The following KDSR variants were observed in gnomAD, a reference collection of about 807,000 sequenced individuals.
The protein encoded by KDSR is 3-ketodihydrosphingosine reductase, also known as 3-dehydrosphinganine reductase.
Under a neutral mutation model 41.3 loss-of-function variants are expected in KDSR, and 23 were observed. The observed-to-expected ratio is 0.56, with a 90% CI of 0.40 to 0.79. The LOEUF (loss-of-function observed/expected upper bound fraction) is 0.79. KDSR is among the 30% of genes least tolerant of loss of function. The pLI is 0.00. For synonymous variants in KDSR, 138 were observed against 151.7 expected (o/e 0.91, Z 0.66); for missense variants, 351 against 416.8 (o/e 0.84, Z 1.37).
chr18:63,360,345 C>T lies in KDSR; in HGVS notation c.199-553G>A, dbSNP rs115456215. 5.3e-3 allele frequency among the ~76,000 whole-genome samples: 806 copies of T among 152,142 alleles called. 2 individuals are homozygous for T. Among genetic ancestry groups the T allele is most frequent in the African/African-American group, 0.018 (759 of 41,506 alleles). ...TGTAATTATGTAATTCTTCCAAGGT[C>T]CTAATTTTGTTTGTTTTACTTAGTC... On this transcript the variant is annotated intron_variant, in intron 2 of 9. Transcript: ENST00000645214.
Position 63,331,660 on chromosome 18 carries a change from C to T in KDSR, c.*122G>A. On this transcript the variant is annotated 3_prime_UTR_variant, in exon 10 of 10. Coordinates refer to ENST00000645214, the MANE Select transcript of KDSR (RefSeq NM_002035.4). The stretch of plus-strand genomic sequence containing the variant: ...CTTGCAGCCACATTCCTGAAGAGCA[C>T]TGGTCCAATCTGACGTATTCGAAAA... 1 of 879,146 alleles carries T rather than the reference C, an allele frequency of 1.1e-6. No homozygotes were observed. The highest frequency in any genetic ancestry group is 1.7e-6 in the Non-Finnish European group (1 of 572,760). 54.5% of individuals were successfully genotyped at this position (879,146 alleles called of 1,614,324 possible). A position where few individuals can be genotyped will look rare whatever the true frequency, so the allele number is the denominator to read the frequency against.
Position 63,355,492 on chromosome 18 carries a change from TCTTA to T in KDSR, c.321+2_321+5del. ...TTGGTGAATTCCAATTAGCCCAACC[TCTTA>T]CTTGTTTTATGACATTCTCTACTTG... On this transcript the variant is annotated splice_donor_variant and splice_donor_5th_base_variant and intron_variant, in intron 4 of 9. Transcript: ENST00000645214. LOFTEE classifies it high-confidence loss of function. 1 of 1,613,130 alleles carries T rather than the reference TCTTA, an allele frequency of 6.2e-7. No homozygotes were observed. Among genetic ancestry groups the T allele is most frequent in the Admixed American group, 1.7e-5 (1 of 59,838 alleles).
At chr18:63,352,434 C>A (rs1181811212) in intron 5 of KDSR, among the ~76,000 whole-genome samples, 1 of 152,178 alleles carries the variant, frequency 6.6e-6, no homozygotes, top group African/African-American at 2.4e-5. Flanking sequence ...CCTGCCTCAG[C>A]CTCCCAAGTA....
intron 2 of KDSR, 119 bp from the exon 3 acceptor site, chr18:63,359,911 C>G (rs906063346): frequency 2.8e-6 from 2 of 724,416 alleles, no homozygotes; most frequent in Middle Eastern, 3.6e-4. Context: ...AGAAAACACA[C>G]AAAACAGTAT....
chr18:63,352,000 T>C (rs1487483376), intron 5 of KDSR, among the ~76,000 whole-genome samples: 1 of 152,160 alleles, frequency 6.6e-6, no homozygotes, highest in Non-Finnish European at 1.5e-5. Flanking sequence ...CCTAGGCTGG[T>C]CTTGAACTCC....
At chr18:63,335,532 C>T in intron 8 of KDSR, 174 bp from the exon 9 acceptor site, 1 of 575,032 alleles carries the variant, frequency 1.7e-6, no homozygotes, top group Middle Eastern at 4.6e-4. Context: ...TGGCAGTTCT[C>T]AACAAGTGAG....
At chr18:63,359,004 C>A (rs1486272626) in intron 3 of KDSR, among the ~76,000 whole-genome samples, 1 of 150,334 alleles carries the variant, frequency 6.7e-6, no homozygotes, top group East Asian at 1.9e-4. Context: ...CATGGCGAAA[C>A]CCCATCTCTA....
intron 3 of KDSR, 160 bp downstream of exon 3, chr18:63,359,576 G>A: frequency 1.7e-6 from 1 of 584,780 alleles, no homozygotes; most frequent in Non-Finnish European, 3.1e-6. Context: ...TTGCGTGTGT[G>A]TGATATTCTG....
intron 7 of KDSR, among the ~76,000 whole-genome samples, chr18:63,342,613 G>A (rs1221122669): frequency 6.6e-6 from 1 of 152,228 alleles, no homozygotes; most frequent in South Asian, 2.1e-4. Context: ...AATGGTCCAA[G>A]TGTGCATAAT....
chr18:63,355,657 G>A (rs1914775182), intron 3 of KDSR, 94 bp from the exon 4 acceptor site: 1 of 1,406,546 alleles, frequency 7.1e-7, no homozygotes, highest in Non-Finnish European at 9.2e-7. Context: ...ATTGAATACA[G>A]AAGGAAGCCA....
rs1475441534 is a variant in KDSR at position 63,335,303 on chromosome 18, G to A, written c.833C>T (p.Thr278Ile). 6.2e-7 allele frequency: 1 copy of A among 1,613,920 alleles called. No homozygotes were observed. Among genetic ancestry groups the A allele is most frequent in the Admixed American group, 1.7e-5 (1 of 59,996 alleles). The change falls in exon 9 of 10, where the codon ACC (threonine) becomes ATC (isoleucine). Residue 278 changes from threonine (T) to isoleucine (I), a missense_variant. Transcript: ENST00000645214. ...GSDGYMLSALTCGMAPVTSIT... is the reference protein window; with the variant it reads ...GSDGYMLSALICGMAPVTSIT... ...AGAAGTTACTGGAGCCATCCCACAG[G>A]TCAGGGCCGAGAGCATGTACCCATC...
intron 5 of KDSR, among the ~76,000 whole-genome samples, chr18:63,351,973 A>C (rs1469055089): frequency 1.3e-5 from 2 of 151,980 alleles, no homozygotes; most frequent in African/African-American, 4.8e-5. Context: ...TTGTAGTAAC[A>C]GGGTCCTTTT....
intron 8 of KDSR, among the ~76,000 whole-genome samples, chr18:63,337,674 G>A (rs561366473): frequency 2.4e-4 from 36 of 152,282 alleles, no homozygotes; most frequent in African/African-American, 8.4e-4. Flanking sequence ...TGTAATCCCA[G>A]CACTTTGGCC....
Position 63,330,228 on chromosome 18 carries a change from GTTTTT to G in KDSR, c.*1549_*1553del, listed in dbSNP as rs1568273097. 4.9e-6 allele frequency: 1 copy of G among 202,896 alleles called. No individual in the cohort carries two copies. The highest frequency in any genetic ancestry group is 2.3e-5 in the African/African-American group (1 of 43,632). The allele number at this position is 202,896 out of a possible 1,614,324, so 12.6% of individuals were successfully genotyped here. A position where few individuals can be genotyped will look rare whatever the true frequency, so the allele number is the denominator to read the frequency against. ...TTCAATTTTTGTATAGAGTTTTTAT[GTTTTT>G]TAAGTTTTATTTTACAATTTAAGAA... On this transcript the variant is annotated 3_prime_UTR_variant, in exon 10 of 10. Coordinates refer to ENST00000645214, the MANE Select transcript of KDSR (RefSeq NM_002035.4).
At position 63,347,352 on chromosome 18, in the gene KDSR, C is replaced by T. The variant is rs556850592; in HGVS notation, c.610-2859G>A. Among the ~76,000 whole-genome samples, 6 of 151,694 alleles carry T rather than the reference C, an allele frequency of 4.0e-5. No homozygotes were observed. The South Asian group carries it at 1.0e-3, about 26-fold the overall frequency. On this transcript the variant is annotated intron_variant, in intron 6 of 9. Transcript: ENST00000645214. ...CTCTACTAAAAATACAAAAATTAGC[C>T]GGGCATGGTGGTGGGCACCTGTAAT...
Position 63,329,360 on chromosome 18 carries a change from A to G in KDSR, c.*2422T>C, listed in dbSNP as rs1568272671. On this transcript the variant is annotated 3_prime_UTR_variant, in exon 10 of 10. Transcript: ENST00000645214. ...ATCCATGGATATTTCTTCAGGGAAA[A>G]TTAAGTCACAATGAAGTAGCATAAA... The G allele has an allele frequency of 4.8e-6, 1 of 208,550 alleles. No individual in the cohort carries two copies. Among genetic ancestry groups the G allele is most frequent in the African/African-American group, 2.3e-5 (1 of 43,976 alleles). The allele number at this position is 208,550 out of a possible 1,614,324, so 12.9% of individuals were successfully genotyped here. A position where few individuals can be genotyped will look rare whatever the true frequency, so the allele number is the denominator to read the frequency against.
intron 1 of KDSR, among the ~76,000 whole-genome samples, chr18:63,363,556 A>G (rs1165940167): frequency 3.3e-5 from 5 of 150,780 alleles, no homozygotes; most frequent in Admixed American, 6.6e-5. Flanking sequence ...TGAACTCATC[A>G]TTTTTTATGG....
chr18:63,362,488 A>T (rs1915018395), intron 2 of KDSR, among the ~76,000 whole-genome samples: 1 of 152,230 alleles, frequency 6.6e-6, no homozygotes, highest in African/African-American at 2.4e-5. Context: ...TCCAATGGCC[A>T]GGTGTGCTCC....
intron 1 of KDSR, 124 bp downstream of exon 1, chr18:63,366,887 C>T (rs1330434235): frequency 1.1e-5 from 5 of 450,684 alleles, no homozygotes; most frequent in African/African-American, 2.0e-5. Context: ...AGGTGACCTT[C>T]CCCATTTGGC....
Sources: gnomAD v4.1 joint callset for allele counts (sites outside exome capture counted in the v4.1 genomes callset) on GRCh38, gnomAD v4.1.1 for gene constraint, MANE v1.5 for transcripts, NCBI Gene and HGNC (gene_info 2026-07-23, HGNC 2026-07-21) for gene names.